TYW1: variants seen among roughly 807,000 people sequenced by gnomAD.
TYW1 encodes S-adenosyl-L-methionine-dependent tRNA 4-demethylwyosine synthase TYW1.
In TYW1, 46 loss-of-function variants were observed where a neutral mutation model predicts 96.2. The observed-to-expected ratio is 0.48, with a 90% CI of 0.38 to 0.61. TYW1 has a LOEUF of 0.61. TYW1 is among the 20% of genes least tolerant of loss of function. The pLI is 0.00. For missense variants in TYW1, 684 were observed against 909.6 expected (o/e 0.75, Z 3.19); for synonymous variants, 274 against 323.0 (o/e 0.85, Z 1.63).
At chr7:67,161,743 G>A (rs185080042) in intron 13 of TYW1, among the ~76,000 whole-genome samples, 47 of 152,100 alleles carry the variant, frequency 3.1e-4, no homozygotes, top group African/African-American at 1.1e-3. Context: ...TTAATTTTTG[G>A]CATCCTAATG....
chr7:67,142,762 A>G (rs948563204), intron 13 of TYW1, among the ~76,000 whole-genome samples: 1 of 152,168 alleles, frequency 6.6e-6, no homozygotes, highest in African/African-American at 2.4e-5. Flanking sequence ...AAATTAGTTC[A>G]GAATTAGGCC....
At chr7:67,165,949 G>T (rs1297001153) in intron 13 of TYW1, among the ~76,000 whole-genome samples, 1 of 151,498 alleles carries the variant, frequency 6.6e-6, no homozygotes, top group Non-Finnish European at 1.5e-5. Context: ...ATAAAATAAA[G>T]ACTTTTTAGG....
chr7:67,109,576 C>G (rs1797341055), intron 12 of TYW1, among the ~76,000 whole-genome samples: 1 of 152,086 alleles, frequency 6.6e-6, no homozygotes, highest in African/African-American at 2.4e-5. Flanking sequence ...CTCACTTTCC[C>G]TAGCCTTGAA....
intron 14 of TYW1, among the ~76,000 whole-genome samples, chr7:67,188,435 A>G (rs1472587744): frequency 6.6e-6 from 1 of 152,190 alleles, no homozygotes; most frequent in Non-Finnish European, 1.5e-5. Context: ...AAGGATTAAC[A>G]CTTAGAAGTG....
intron 10 of TYW1, among the ~76,000 whole-genome samples, chr7:67,073,737 C>T (rs1796111986): frequency 8.4e-6 from 1 of 118,874 alleles, no homozygotes; most frequent in Admixed American, 1.0e-4. Context: ...TGCCACTGCA[C>T]TCCAGCCTGG....
At chr7:67,096,027 C>T (rs1264923121) in intron 11 of TYW1, among the ~76,000 whole-genome samples, 1 of 152,178 alleles carries the variant, frequency 6.6e-6, no homozygotes, top group East Asian at 1.9e-4. Flanking sequence ...CATGCATTAT[C>T]TCATTTAATC....
intron 7 of TYW1, among the ~76,000 whole-genome samples, chr7:67,025,675 G>T (rs1794426696): frequency 6.6e-6 from 1 of 152,226 alleles, no homozygotes; most frequent in South Asian, 2.1e-4. Context: ...ACCAATCTGG[G>T]ATGTGACTGT....
At chr7:67,041,874 T>C (rs1795033626) in intron 7 of TYW1, among the ~76,000 whole-genome samples, 1 of 151,968 alleles carries the variant, frequency 6.6e-6, no homozygotes, top group South Asian at 2.1e-4. Flanking sequence ...ATGTGGGAGA[T>C]AACAGTATCT....
Position 67,117,595 on chromosome 7 carries a change from A to C in TYW1, c.1675A>C (p.Ser559Arg). 1 of 1,613,168 alleles carries C rather than the reference A, an allele frequency of 6.2e-7. No individual in the cohort carries two copies. The highest frequency in any genetic ancestry group is 2.2e-5 in the East Asian group (1 of 44,870). ...FKDFWQRFLD[S>R]LKALAVKQQR... ...GGATTTCTGGCAGAGATTCCTTGAC[A>C]GTTTAAAAGCCTTGGCAGTCAAGGT... The change falls in exon 13 of 16, where the codon AGT (serine) becomes CGT (arginine). Residue 559 changes from serine (S) to arginine (R), a missense_variant. Coordinates refer to ENST00000359626, the MANE Select transcript of TYW1 (RefSeq NM_018264.4).
intron 15 of TYW1, 53 bp downstream of exon 15, chr7:67,195,390 C>A (rs35290283): frequency 0.24 from 383,234 of 1,586,718 alleles, 50,278 homozygotes; most frequent in African/African-American, 0.43. Context: ...GCTGTTCTTT[C>A]CTTCTCTTCT....
chr7:67,038,724 C>T (rs543815688), intron 7 of TYW1, among the ~76,000 whole-genome samples: 6 of 151,972 alleles, frequency 3.9e-5, no homozygotes, highest in East Asian at 1.9e-4. Context: ...GCCAACATGG[C>T]GAAACCCCGT....
intron 13 of TYW1, among the ~76,000 whole-genome samples, chr7:67,173,586 G>A (rs1314231524): frequency 2.0e-5 from 3 of 150,978 alleles, no homozygotes; most frequent in South Asian, 2.1e-4. Context: ...AACAAAGACC[G>A]TTTTATTTCT....
intron 6 of TYW1, among the ~76,000 whole-genome samples, chr7:67,020,992 C>T (rs1794236518): frequency 6.6e-6 from 1 of 152,286 alleles, no homozygotes; most frequent in Non-Finnish European, 1.5e-5. Flanking sequence ...TGCGTCACTG[C>T]ACTCCAGCCT....
chr7:67,014,093 C>T (rs1369917786), intron 4 of TYW1, among the ~76,000 whole-genome samples: 1 of 151,846 alleles, frequency 6.6e-6, no homozygotes, highest in Non-Finnish European at 1.5e-5. Flanking sequence ...GGCAAATTAG[C>T]GATGATGAGA....
In TYW1 at chr7:67,050,098, C is replaced by T. The variant is rs368090666; in HGVS notation, c.1102+32C>T. 4.3e-6 allele frequency: 7 copies of T among 1,610,524 alleles called. No homozygotes were observed. In the African/African-American group the frequency reaches 9.4e-5, roughly 22 times the overall value. ...ATCTTCAAGAATTGTTGTTATATGA[C>T]TGTAGTCTTAGGCATTCTCATTTGA... On this transcript the variant is annotated intron_variant, in intron 8 of 15. Coordinates refer to ENST00000359626, the MANE Select transcript of TYW1 (RefSeq NM_018264.4).
chr7:67,230,738 T>C (rs1336576119), intron 15 of TYW1, among the ~76,000 whole-genome samples: 7 of 147,552 alleles, frequency 4.7e-5, no homozygotes, highest in African/African-American at 1.8e-4. Context: ...CTGCAACCTC[T>C]ACCTCCCGGG....
At chr7:66,998,499 T>C (rs1484765694) in intron 2 of TYW1, among the ~76,000 whole-genome samples, 2 of 152,132 alleles carry the variant, frequency 1.3e-5, no homozygotes, top group Non-Finnish European at 2.9e-5. Flanking sequence ...GTCCTCTCTT[T>C]CCATTAATTA....
intron 9 of TYW1, among the ~76,000 whole-genome samples, chr7:67,062,268 G>C (rs1795715782): frequency 1.3e-5 from 2 of 151,946 alleles, no homozygotes; most frequent in African/African-American, 4.8e-5. Flanking sequence ...AATTAGCTGG[G>C]CGTAGTGGTG....
At chr7:67,143,374 C>T (rs1208274045) in intron 13 of TYW1, among the ~76,000 whole-genome samples, 2 of 152,138 alleles carry the variant, frequency 1.3e-5, no homozygotes, top group South Asian at 2.1e-4. Context: ...GAAGTGATAG[C>T]GGAACTGAGA....
Sources: allele counts gnomAD v4.1 joint callset (sites outside exome capture counted in the v4.1 genomes callset), GRCh38; gene constraint gnomAD v4.1.1; transcripts MANE v1.5; gene names NCBI Gene and HGNC (gene_info 2026-07-23, HGNC 2026-07-21).